The following FREM1 variants were observed in gnomAD, a reference collection of about 807,000 sequenced individuals.
FREM1 encodes the protein FRAS1 related extracellular matrix 1, also known as FRAS1-related extracellular matrix protein 1.
Under a neutral mutation model 210.1 loss-of-function variants are expected in FREM1, and 220 were observed. That is an observed-to-expected ratio of 1.05 (90% CI 0.94 to 1.17). The LOEUF (loss-of-function observed/expected upper bound fraction) is 1.17, where lower values mean the gene tolerates loss of function less well. Ranked by LOEUF, FREM1 falls within the 50% of genes most tolerant of loss-of-function variation. The probability of loss-of-function intolerance (pLI) is 0.00; values close to 1 mark genes in which losing one functional copy is unlikely to be tolerated. For missense variants in FREM1, 3,454 were observed against 2,675.5 expected (o/e 1.29, Z -6.42); for synonymous variants, 1,189 against 980.2 (o/e 1.21, Z -3.98).
At chr9:14,820,876 G>A (rs944378490) in intron 13 of FREM1, among the ~76,000 whole-genome samples, 1 of 152,130 alleles carries the variant, frequency 6.6e-6, no homozygotes, top group Non-Finnish European at 1.5e-5. Context: ...TTCGAACAAA[G>A]GTCCATGCTT....
chr9:14,895,924 G>A (rs993588766), intron 1 of FREM1, among the ~76,000 whole-genome samples: 1 of 152,030 alleles, frequency 6.6e-6, no homozygotes, highest in Non-Finnish European at 1.5e-5. Context: ...AAGGGAGGGG[G>A]GAAATGTCAG....
At chr9:14,854,625 G>A (rs1828386724) in intron 5 of FREM1, among the ~76,000 whole-genome samples, 1 of 151,834 alleles carries the variant, frequency 6.6e-6, no homozygotes, top group African/African-American at 2.4e-5. Flanking sequence ...GGAAAAGAAA[G>A]AACAAAATTA....
chr9:14,748,611 G>C lies in FREM1; in HGVS notation c.5586C>G (p.Asn1862Lys). 6.2e-7 allele frequency: 1 copy of C among 1,613,530 alleles called. No individual in the cohort carries two copies. The highest frequency in any genetic ancestry group is 1.1e-5 in the South Asian group (1 of 91,012). The stretch of plus-strand genomic sequence containing the variant: ...TCTCCCATGTGCTGTGCTTGCTTTG[G>C]TTGGAGGAATATGAAGGATGGCATT... ...GGQCHPSYSSNQSKHSTWEKG... is the reference protein window; with the variant it reads ...GGQCHPSYSSKQSKHSTWEKG... Residue 1862 changes from asparagine (N) to lysine (K), a missense_variant, in exon 31 of 37, where the codon AAC becomes AAG. Coordinates refer to ENST00000380880, the MANE Select transcript of FREM1 (RefSeq NM_001379081.2).
intron 20 of FREM1, among the ~76,000 whole-genome samples, chr9:14,800,337 A>G (rs1552898): frequency 0.99 from 151,051 of 152,300 alleles, 74,921 homozygotes; most frequent in Middle Eastern, 1. Flanking sequence ...AAAAGAAAAC[A>G]CCTAAGGAAG....
intron 15 of FREM1, among the ~76,000 whole-genome samples, chr9:14,816,361 G>C (rs1019787768): frequency 3.3e-5 from 5 of 152,118 alleles, no homozygotes; most frequent in Admixed American, 1.3e-4. Flanking sequence ...GAGGCCGTAG[G>C]TTTCAAGTTC....
Position 14,746,985 on chromosome 9 carries a change from C to G in FREM1, c.6076G>C (p.Gly2026Arg). The G allele has an allele frequency of 6.2e-7, 1 of 1,613,274 alleles. No homozygotes were observed. The highest frequency in any genetic ancestry group is 8.5e-7 in the Non-Finnish European group (1 of 1,179,612). The change falls in exon 34 of 37, where the codon GGC (glycine) becomes CGC (arginine). Residue 2026 changes from glycine (G) to arginine (R), a missense_variant. Transcript: ENST00000380880. Reference sequence around the variant, plus strand: ...TTGCACTGATACAGCTTCTGGATGCCTTCTTCAAAATGGAAGAGTCCCTTT... The same window carrying G: ...TTGCACTGATACAGCTTCTGGATGCGTTCTTCAAAATGGAAGAGTCCCTTT... ...ELKGLFHFEE[G>R]IQKLYQCNGI...
chr9:14,874,199 G>A (rs1012582550), intron 1 of FREM1, among the ~76,000 whole-genome samples: 6 of 152,076 alleles, frequency 3.9e-5, no homozygotes, highest in East Asian at 1.9e-4. Context: ...TGGTGCAGAG[G>A]TGAGTTCAAT....
chr9:14,894,726 C>G (rs1837407586), intron 1 of FREM1, among the ~76,000 whole-genome samples: 1 of 152,082 alleles, frequency 6.6e-6, no homozygotes, highest in South Asian at 2.1e-4. Context: ...CTCCTATGAA[C>G]AGAATTTGGA....
At position 14,836,502 on chromosome 9, in the gene FREM1, C is replaced by T. The variant is rs1824635286; in HGVS notation, c.1881+4945G>A. On this transcript the variant is annotated intron_variant, in intron 10 of 36. Transcript: ENST00000380880. The surrounding 1 kb of genome is among the most constrained non-coding windows in gnomAD (Gnocchi z 4.9). ...AAATCAAATCAAAATTATTAACAGG[C>T]TCAGGGAAAATGCCGGCTTCAGCCC... Among the ~76,000 whole-genome samples the T allele has an allele frequency of 1.3e-5, 2 of 152,152 alleles. No homozygotes were observed. Among genetic ancestry groups the T allele is most frequent in the Non-Finnish European group, 2.9e-5 (2 of 68,032 alleles).
At chr9:14,803,976 T>C (rs1261377061) in intron 19 of FREM1, among the ~76,000 whole-genome samples, 1 of 152,150 alleles carries the variant, frequency 6.6e-6, no homozygotes. Context: ...AAACGTGTGG[T>C]TGTTTCTTGC....
intron 10 of FREM1, among the ~76,000 whole-genome samples, chr9:14,828,769 C>T (rs1822985321): frequency 6.6e-6 from 1 of 151,894 alleles, no homozygotes; most frequent in East Asian, 1.9e-4. Flanking sequence ...CTTAGACATC[C>T]CTCAACTAGC....
chr9:14,824,910 T>A lies in FREM1; in HGVS notation c.1964A>T (p.Glu655Val). The A allele has an allele frequency of 1.2e-6, 2 of 1,611,670 alleles. No homozygotes were observed. Among genetic ancestry groups the A allele is most frequent in the Non-Finnish European group, 1.7e-6 (2 of 1,179,222 alleles). ...PGVSRHLVVKETEVAYITKKQ... is the reference protein window; with the variant it reads ...PGVSRHLVVKVTEVAYITKKQ... ...CTTAGTTATATAGGCCACCTCAGTT[T>A]CCTTGACAACCAAATGCCGAGAAAC... Residue 655 changes from glutamate (E) to valine (V), a missense_variant, in exon 11 of 37, where the codon GAA (glutamate) becomes GTA (valine). By Grantham distance (121) the Glu-to-Val change is moderately radical. Coordinates refer to ENST00000380880, the MANE Select transcript of FREM1 (RefSeq NM_001379081.2).
At chr9:14,754,577 G>C (rs948508134) in intron 29 of FREM1, among the ~76,000 whole-genome samples, 1 of 152,120 alleles carries the variant, frequency 6.6e-6, no homozygotes, top group Non-Finnish European at 1.5e-5. Context: ...GGTGTAATTA[G>C]TTAATGTGAG....
At chr9:14,861,506 T>C (rs907589489) in intron 3 of FREM1, among the ~76,000 whole-genome samples, 1 of 128,408 alleles carries the variant, frequency 7.8e-6, no homozygotes, top group Non-Finnish European at 1.7e-5. Flanking sequence ...ATTTATCCTT[T>C]TTTTTTTTTT....
At chr9:14,814,645 C>T (rs970421918) in intron 15 of FREM1, among the ~76,000 whole-genome samples, 1 of 152,158 alleles carries the variant, frequency 6.6e-6, no homozygotes, top group African/African-American at 2.4e-5. Flanking sequence ...CATTTAAGAC[C>T]TTCTCCAGTA....
chr9:14,855,254 A>G (rs752522026), intron 5 of FREM1, among the ~76,000 whole-genome samples: 1 of 152,132 alleles, frequency 6.6e-6, no homozygotes, highest in Non-Finnish European at 1.5e-5. Context: ...TATACGTTAT[A>G]TCCTTATATA....
chr9:14,797,271 G>A (rs1263372493), intron 21 of FREM1, among the ~76,000 whole-genome samples: 2 of 152,174 alleles, frequency 1.3e-5, no homozygotes, highest in East Asian at 3.8e-4. Context: ...CAACTAATTA[G>A]TATGTTTAGA....
intron 20 of FREM1, among the ~76,000 whole-genome samples, chr9:14,800,545 T>C (rs768194128): frequency 6.6e-6 from 1 of 152,194 alleles, no homozygotes; most frequent in African/African-American, 2.4e-5. Context: ...TTATATGTGG[T>C]TCTATATTTG....
chr9:14,800,267 T>C (rs1420152108), intron 20 of FREM1, among the ~76,000 whole-genome samples: 3 of 151,982 alleles, frequency 2.0e-5, no homozygotes, highest in Non-Finnish European at 4.4e-5. Flanking sequence ...GAAAGGTGCG[T>C]TCTGAAGGCA....
Sources: gnomAD v4.1 joint callset for allele counts (sites outside exome capture counted in the v4.1 genomes callset) on GRCh38, gnomAD v4.1.1 for gene constraint, Gnocchi (gnomAD v3.1) non-coding constraint, MANE v1.5 for transcripts, NCBI Gene and HGNC (gene_info 2026-07-23, HGNC 2026-07-21) for gene names.